Variants in LIPJ observed in about 807,000 individuals in gnomAD.
LIPJ encodes the protein lipase member J.
Under a neutral mutation model 39.8 loss-of-function variants are expected in LIPJ, and 33 were observed. The ratio of observed to expected loss-of-function variants is 0.83; its 90% confidence interval spans 0.63 to 1.11. The LOEUF is 1.11. LIPJ is among the 50% of genes least tolerant of loss of function. The pLI is 0.00. For synonymous variants in LIPJ, 128 were observed against 139.2 expected (o/e 0.92, Z 0.57); for missense variants, 422 against 427.9 (o/e 0.99, Z 0.12).
chr10:88,602,739 T>A, intron 9 of LIPJ, 92 bp downstream of exon 9: 2 of 630,534 alleles, frequency 3.2e-6, no homozygotes, highest in Non-Finnish European at 5.3e-6. Flanking sequence ...GGCCATAGAG[T>A]AATAAATTTA....
chr10:88,599,805 TA>T (rs1040305605), intron 8 of LIPJ, among the ~76,000 whole-genome samples: 22 of 151,892 alleles, frequency 1.4e-4, no homozygotes, highest in Admixed American at 1.1e-3. Context: ...GCTTGTCTTT[TA>T]TGTCTTCAGT....
chr10:88,586,231 G>GC (rs1258793751), upstream of LIPJ, among the ~76,000 whole-genome samples: 2 of 151,946 alleles, frequency 1.3e-5, no homozygotes, highest in African/African-American at 4.8e-5. Context: ...TTCTCATTAC[G>GC]CCCCAACCTC....
exon 3 of LIPJ, chr10:88,590,685 G>T: frequency 6.3e-7 from 1 of 1,592,028 alleles, no homozygotes. Context: ...ACCTGAAGCA[G>T]ATATGAATAT....
At chr10:88,588,280 C>T (rs1044416237) in intron 2 of LIPJ, among the ~76,000 whole-genome samples, 1 of 151,712 alleles carries the variant, frequency 6.6e-6, no homozygotes, top group Admixed American at 6.6e-5. Context: ...CTCTATCTCT[C>T]CAAGTTAAGT....
intron 8 of LIPJ, among the ~76,000 whole-genome samples, chr10:88,600,881 G>A (rs1008134937): frequency 5.3e-5 from 8 of 152,190 alleles, no homozygotes; most frequent in African/African-American, 1.9e-4. Flanking sequence ...ATGGTGAAGG[G>A]CATAGGGCAA....
In LIPJ at chr10:88,594,808, T is replaced by C. The variant is rs199834007; in HGVS notation, c.439+32T>C. On this transcript the variant is annotated intron_variant, in intron 6 of 10. Transcript: ENST00000371939. ...CAAGAAAGATTATTGCTAATATCCC[T>C]TAATTTCTTTTTTAAGGTTGTGCAT... 1.4e-4 allele frequency: 151 copies of C among 1,067,194 alleles called. 1 individual carries two copies. In the African/African-American group the frequency reaches 2.4e-3, roughly 17 times the overall value. The allele number at this position is 1,067,194 out of a possible 1,614,324, so 66.1% of individuals were successfully genotyped here.
chr10:88,597,771 G>C (rs919013799), intron 8 of LIPJ, among the ~76,000 whole-genome samples: 1 of 151,814 alleles, frequency 6.6e-6, no homozygotes, highest in Admixed American at 6.6e-5. Flanking sequence ...AAGGCAGAAA[G>C]GATTACTTTC....
At chr10:88,583,510 G>A, upstream of LIPJ, 2 of 1,197,416 alleles carry the variant, frequency 1.7e-6, no homozygotes, top group Non-Finnish European at 2.1e-6. Context: ...GGGAGAACCC[G>A]CCTCGCAACA....
At position 88,588,443 on chromosome 10, in the gene LIPJ, A is replaced by G. The variant is rs73357288; in HGVS notation, c.-104+1051A>G. ...TGTTGTTTAGAATTAAAATCTGCAT[A>G]TTGATTCATGTTAGAAAAATGTGTA... is the stretch of plus-strand genomic sequence containing the variant. On this transcript the variant is annotated intron_variant, in intron 2 of 10. Transcript: ENST00000371939. Among the ~76,000 whole-genome samples, 1,421 of 152,054 alleles carry G rather than the reference A, an allele frequency of 9.3e-3. 22 individuals carry two copies. The highest frequency in any genetic ancestry group is 0.031 in the African/African-American group (1,304 of 41,546).
chr10:88,590,547 C>A (rs1483881596), intron 2 of LIPJ, 38 bp from the exon 3 acceptor site: 2 of 625,164 alleles, frequency 3.2e-6, no homozygotes, highest in South Asian at 1.7e-5. Flanking sequence ...TTATTTGCTG[C>A]AATTTTAACT....
chr10:88,601,857 T>G (rs1851493739), intron 8 of LIPJ, among the ~76,000 whole-genome samples: 1 of 152,286 alleles, frequency 6.6e-6, no homozygotes, highest in East Asian at 1.9e-4. Flanking sequence ...AGAATTGGAA[T>G]AGTAAGACAG....
At chr10:88,583,795 T>C (rs1186187736), upstream of LIPJ, 4 of 805,440 alleles carry the variant, frequency 5.0e-6, no homozygotes, top group Non-Finnish European at 6.0e-6. Context: ...ATGGAAACAA[T>C]AACGTATACC....
At chr10:88,606,996 T>G (rs1851691016), downstream of LIPJ, 1 of 1,317,470 alleles carries the variant, frequency 7.6e-7, no homozygotes, top group Admixed American at 3.3e-5. Flanking sequence ...GTTCTTTCAT[T>G]TTTAAAACTA....
intron 9 of LIPJ, 40 bp downstream of exon 9, chr10:88,602,687 T>C (rs1851535892): frequency 7.9e-7 from 1 of 1,266,486 alleles, no homozygotes; most frequent in African/African-American, 1.5e-5. Context: ...ATTTAATTCA[T>C]GCTACTCATG....
chr10:88,610,522 C>G (rs1851735511), downstream of LIPJ, among the ~76,000 whole-genome samples: 1 of 152,132 alleles, frequency 6.6e-6, no homozygotes, highest in Non-Finnish European at 1.5e-5. Context: ...ATCCCCTGGG[C>G]TCTTTTTTTC....
At position 88,599,921 on chromosome 10, in the gene LIPJ, A is replaced by G. The variant is rs577834028; in HGVS notation, c.724-2655A>G. 2.6e-5 allele frequency among the ~76,000 whole-genome samples: 4 copies of G among 151,960 alleles called. No individual in the cohort carries two copies. In the South Asian group the frequency reaches 8.3e-4, roughly 31 times the overall value. On this transcript the variant is annotated intron_variant, in intron 8 of 10. Coordinates refer to ENST00000371939, the Ensembl canonical transcript of LIPJ. ...AATTATTAAGATTAGATTTATGGCTATCATCCTGCTATATGCTTTTTGTTT... is the reference window on the plus strand; with the variant it reads ...AATTATTAAGATTAGATTTATGGCTGTCATCCTGCTATATGCTTTTTGTTT...
chr10:88,600,330 G>T (rs1851430746), intron 8 of LIPJ, among the ~76,000 whole-genome samples: 1 of 152,020 alleles, frequency 6.6e-6, no homozygotes, highest in Non-Finnish European at 1.5e-5. Context: ...GCTTAAGTTT[G>T]AATATTTTAT....
chr10:88,604,330 G>A (rs1325184191), intron 9 of LIPJ, among the ~76,000 whole-genome samples: 3 of 152,176 alleles, frequency 2.0e-5, no homozygotes, highest in African/African-American at 4.8e-5. Context: ...GAAGTGAGTA[G>A]GCACTGCATG....
chr10:88,607,800 A>G (rs1851703399), downstream of LIPJ, among the ~76,000 whole-genome samples: 1 of 152,262 alleles, frequency 6.6e-6, no homozygotes, highest in Non-Finnish European at 1.5e-5. Flanking sequence ...AATTGCATGC[A>G]GACTTCCTGT....
Sources: allele counts gnomAD v4.1 joint callset (sites outside exome capture counted in the v4.1 genomes callset), GRCh38; gene constraint gnomAD v4.1.1; transcripts MANE v1.5; gene names NCBI Gene and HGNC (gene_info 2026-07-23, HGNC 2026-07-21).